ASTN2: variants seen among roughly 807,000 people sequenced by gnomAD.
ASTN2 encodes the protein astrotactin-2.
ASTN2 carries 54 observed loss-of-function variants against 139.8 expected under a neutral mutation model. The observed-to-expected ratio is 0.39, with a 90% CI of 0.31 to 0.48. The LOEUF is 0.48. Among genes scored for constraint, ASTN2 ranks in the 20% least tolerant of loss-of-function variants. The pLI is 0.95. For synonymous variants in ASTN2, 756 were observed against 719.5 expected, an observed-to-expected ratio of 1.05 and a Z score of -0.81; for missense variants, 1,565 against 1,725.1, an observed-to-expected ratio of 0.91 and a Z score of 1.64.
At chr9:116,979,239 T>C (rs1464559006) in intron 7 of ASTN2, among the ~76,000 whole-genome samples, 1 of 152,134 alleles carries the variant, frequency 6.6e-6, no homozygotes, top group Admixed American at 6.5e-5. Flanking sequence ...TCAGAGATAG[T>C]ATTCAAAATA....
intron 10 of ASTN2, among the ~76,000 whole-genome samples, chr9:116,936,225 T>TACCACCATCACCACCACC (rs1193083799): frequency 6.5e-5 from 5 of 77,070 alleles, no homozygotes; most frequent in East Asian, 4.6e-4. Flanking sequence ...CCACCACCAC[T>TACCACCATCACCACCACC]ACCACCATCA....
At chr9:116,631,988 C>G (rs569021856) in intron 17 of ASTN2, among the ~76,000 whole-genome samples, 16 of 151,894 alleles carry the variant, frequency 1.1e-4, no homozygotes, top group African/African-American at 3.4e-4. Flanking sequence ...GTGGCACACA[C>G]CTGTAGTGCC....
intron 4 of ASTN2, among the ~76,000 whole-genome samples, chr9:117,124,355 G>C (rs954282574): frequency 1.3e-5 from 2 of 152,038 alleles, no homozygotes; most frequent in Admixed American, 1.3e-4. Context: ...GAGGGTTCAA[G>C]GTCACAGCCT....
intron 3 of ASTN2, among the ~76,000 whole-genome samples, chr9:117,170,569 C>T (rs1355069659): frequency 6.6e-6 from 1 of 151,988 alleles, no homozygotes; most frequent in Non-Finnish European, 1.5e-5. Context: ...AAAGATCAGG[C>T]AGGAAAAAGA....
chr9:117,367,779 A>G (rs1186620670), intron 1 of ASTN2, among the ~76,000 whole-genome samples: 1 of 152,152 alleles, frequency 6.6e-6, no homozygotes, highest in Non-Finnish European at 1.5e-5. Context: ...CTTCTCAGAC[A>G]TATAGAACTT....
rs553451106 is a variant in ASTN2, at chr9:116,721,057, G to A, written c.2806+4714C>T. ...CACCTGGGAACACAGTAATCGAAGT[G>A]GATGTGGCAGCCTTGGGTGGAGGGC... On this transcript the variant is annotated intron_variant, in intron 16 of 22. Transcript: ENST00000313400. Among the ~76,000 whole-genome samples the A allele has an allele frequency of 5.9e-5, 9 of 152,326 alleles. No individual in the cohort carries two copies. In the South Asian group the frequency reaches 1.7e-3, roughly 28 times the overall value.
At chr9:117,372,202 T>A (rs1214424921) in intron 1 of ASTN2, among the ~76,000 whole-genome samples, 1 of 152,146 alleles carries the variant, frequency 6.6e-6, no homozygotes, top group East Asian at 1.9e-4. Flanking sequence ...CAAAGGGTGA[T>A]TATGTCCTTG....
chr9:116,709,224 A>G (rs1347071569), intron 16 of ASTN2, among the ~76,000 whole-genome samples: 28 of 152,204 alleles, frequency 1.8e-4, no homozygotes, highest in Non-Finnish European at 1.0e-4. Flanking sequence ...ACCTATAGGA[A>G]AAAGTCTCCC....
intron 1 of ASTN2, among the ~76,000 whole-genome samples, chr9:117,367,999 T>C (rs1456469234): frequency 6.6e-6 from 1 of 152,114 alleles, no homozygotes; most frequent in Non-Finnish European, 1.5e-5. Flanking sequence ...AGCTCCTTAG[T>C]TTCTTGCTTG....
intron 19 of ASTN2, among the ~76,000 whole-genome samples, chr9:116,544,239 A>G (rs1851998188): frequency 6.6e-6 from 1 of 152,132 alleles, no homozygotes; most frequent in Non-Finnish European, 1.5e-5. Flanking sequence ...GAAATGAGGT[A>G]TTTGGATGAA....
intron 2 of ASTN2, among the ~76,000 whole-genome samples, chr9:117,261,188 G>C (rs1275827570): frequency 6.6e-6 from 1 of 152,140 alleles, no homozygotes; most frequent in Non-Finnish European, 1.5e-5. Flanking sequence ...GGGGATGAAA[G>C]ACAACAGAAG....
intron 10 of ASTN2, among the ~76,000 whole-genome samples, chr9:116,970,898 A>G (rs766032756): frequency 6.6e-5 from 10 of 152,208 alleles, no homozygotes; most frequent in Non-Finnish European, 1.2e-4. Context: ...CTATTCTCAC[A>G]TTTATCTTAT....
At chr9:116,600,400 C>T (rs1327655439) in intron 19 of ASTN2, among the ~76,000 whole-genome samples, 1 of 151,928 alleles carries the variant, frequency 6.6e-6, no homozygotes, top group Admixed American at 6.6e-5. Flanking sequence ...TCTTCCTGAT[C>T]CCCTGATCCA....
intron 7 of ASTN2, among the ~76,000 whole-genome samples, chr9:116,992,991 C>T (rs575580906): frequency 6.6e-6 from 1 of 152,342 alleles, no homozygotes; most frequent in Non-Finnish European, 1.5e-5. Context: ...CCATCAGTCT[C>T]CCTTCCAACA....
rs1013092024 is a variant in ASTN2 at position 117,407,252 on chromosome 9, A to G, written c.442+7245T>C. On this transcript the variant is annotated intron_variant, in intron 1 of 22. Coordinates refer to ENST00000313400, the MANE Select transcript of ASTN2 (RefSeq NM_001365068.1). ...TGATCAGGGACCTTGTACTACTACA[A>G]TAGGGAGAGGGAAATTCAACACCTT... Among the ~76,000 whole-genome samples, 3 of 152,330 alleles carry G rather than the reference A, an allele frequency of 2.0e-5. No homozygotes were observed. In the Middle Eastern group the frequency reaches 0.01, roughly 518 times the overall value.
intron 5 of ASTN2, among the ~76,000 whole-genome samples, chr9:117,070,913 A>C (rs1163449278): frequency 2.0e-5 from 3 of 147,220 alleles, no homozygotes. Context: ...ACATTCTTCT[A>C]AATTTTTTTC....
At chr9:116,912,509 T>C (rs1370797114) in intron 10 of ASTN2, among the ~76,000 whole-genome samples, 1 of 152,258 alleles carries the variant, frequency 6.6e-6, no homozygotes, top group Non-Finnish European at 1.5e-5. Flanking sequence ...TTTAGGTAGT[T>C]GAATTTTAAA....
At chr9:117,253,795 C>A (rs1833606230) in intron 2 of ASTN2, among the ~76,000 whole-genome samples, 1 of 152,150 alleles carries the variant, frequency 6.6e-6, no homozygotes, top group African/African-American at 2.4e-5. Flanking sequence ...CTACGATAAC[C>A]TCTTGTCCTA....
At chr9:116,513,407 A>G (rs976923955) in intron 19 of ASTN2, among the ~76,000 whole-genome samples, 3 of 152,126 alleles carry the variant, frequency 2.0e-5, no homozygotes, top group South Asian at 4.2e-4. Context: ...TGGATAACCC[A>G]ACCTTTCTCT....
Sources: allele counts gnomAD v4.1 joint callset (sites outside exome capture counted in the v4.1 genomes callset), GRCh38; gene constraint gnomAD v4.1.1; transcripts MANE v1.5; gene names NCBI Gene and HGNC (gene_info 2026-07-23, HGNC 2026-07-21).